ANKHD1: variants seen among roughly 807,000 people sequenced by gnomAD.
ANKHD1 encodes ankyrin repeat and KH domain containing 1.
A neutral mutation model predicts 230.5 loss-of-function variants in ANKHD1; 31 were observed. The observed-to-expected ratio is 0.13, with a 90% CI of 0.10 to 0.18. The LOEUF is 0.18. Ranked by LOEUF, ANKHD1 falls within the 10% of genes least tolerant of loss-of-function variation. ANKHD1 has a pLI of 1.00. For synonymous variants in ANKHD1, 1,074 were observed against 1,117.6 expected (o/e 0.96, Z 0.78); for missense variants, 2,256 against 3,071.3 (o/e 0.73, Z 6.27).
intron 10 of ANKHD1, among the ~76,000 whole-genome samples, chr5:140,470,496 G>T (rs1350398945): frequency 6.7e-6 from 1 of 149,500 alleles, no homozygotes; most frequent in Non-Finnish European, 1.5e-5. Flanking sequence ...CCCTCATCTC[G>T]CTTGTTTGTA....
rs1280586959 is a variant in ANKHD1, at chr5:140,526,025, A to G, written c.4522A>G (p.Ser1508Gly). The change falls in exon 26 of 34, where the codon AGT becomes GGT. Residue 1508 changes from serine to glycine, a missense_variant. By Grantham distance (56) the Ser-to-Gly change is moderately conservative. This residue lies in a region of ANKHD1 where 212 missense variants were observed against 257.3 expected (regional missense o/e 0.82). Transcript: ENST00000360839. ...VEQEVPIEPP[S>G]ATTTTTIGIS... ...GCAAGAAGTTCCCATAGAACCTCCT[A>G]GTGCAACCACCACCACTACGATTGG... 1.3e-6 allele frequency: 2 copies of G among 1,595,022 alleles called. No homozygotes were observed. Among genetic ancestry groups the G allele is most frequent in the South Asian group, 1.1e-5 (1 of 86,968 alleles).
At chr5:140,494,113 T>C (rs1201137997) in intron 14 of ANKHD1, among the ~76,000 whole-genome samples, 7 of 152,244 alleles carry the variant, frequency 4.6e-5, no homozygotes, top group Admixed American at 3.9e-4. Flanking sequence ...AGTGATGTCA[T>C]TGAATTTATT....
At chr5:140,409,749 T>C (rs1770773807) in intron 1 of ANKHD1, among the ~76,000 whole-genome samples, 1 of 152,038 alleles carries the variant, frequency 6.6e-6, no homozygotes, top group Non-Finnish European at 1.5e-5. Flanking sequence ...AGACGGTGTT[T>C]CACTGTGTTA....
chr5:140,479,258 A>G (rs949060615), intron 10 of ANKHD1, among the ~76,000 whole-genome samples: 2 of 151,924 alleles, frequency 1.3e-5, no homozygotes, highest in African/African-American at 4.8e-5. Flanking sequence ...TCGGCCTCCC[A>G]AAGTGCTGGG....
At chr5:140,411,769 C>T (rs1770944776) in intron 1 of ANKHD1, among the ~76,000 whole-genome samples, 1 of 151,764 alleles carries the variant, frequency 6.6e-6, no homozygotes, top group Non-Finnish European at 1.5e-5. Context: ...GACTATCTGC[C>T]CACCTCAGCC....
At chr5:140,516,116 T>C (rs996217752) in intron 24 of ANKHD1, among the ~76,000 whole-genome samples, 19 of 152,056 alleles carry the variant, frequency 1.2e-4, no homozygotes, top group Non-Finnish European at 2.1e-4. Flanking sequence ...CTGATGGAGC[T>C]GAAAACCAAG....
At chr5:140,522,845 T>G (rs1049940166) in intron 24 of ANKHD1, among the ~76,000 whole-genome samples, 3 of 152,134 alleles carry the variant, frequency 2.0e-5, no homozygotes, top group Admixed American at 2.0e-4. Context: ...TTATCTGTCT[T>G]TCTGATTGTA....
chr5:140,485,558 A>T lies in ANKHD1; in HGVS notation c.1999-31A>T. The T allele has an allele frequency of 6.2e-7, 1 of 1,610,570 alleles. No individual in the cohort carries two copies. Among genetic ancestry groups the T allele is most frequent in the African/African-American group, 1.3e-5 (1 of 74,712 alleles). ...TATATGAGCTGCTAAGAAACTATAA[A>T]GAATTAATTATCATGGCAATTCTTT... On this transcript the variant is annotated intron_variant, in intron 12 of 33. Transcript: ENST00000360839. This position sits in a 1 kb window ranked among gnomAD's most constrained non-coding sequence, Gnocchi z 4.8.
At chr5:140,409,113 A>G (rs1770717706) in intron 1 of ANKHD1, among the ~76,000 whole-genome samples, 1 of 152,228 alleles carries the variant, frequency 6.6e-6, no homozygotes, top group Non-Finnish European at 1.5e-5. Flanking sequence ...CTACCGGTCT[A>G]GAGGCCACTC....
chr5:140,485,466 G>A lies in ANKHD1; in HGVS notation c.1999-123G>A. 7.6e-7 allele frequency: 1 copy of A among 1,314,420 alleles called. No individual in the cohort carries two copies. The highest frequency in any genetic ancestry group is 2.7e-5 in the East Asian group (1 of 37,686). The allele number at this position is 1,314,420 out of a possible 1,614,324, so 81.4% of individuals were successfully genotyped here. A position where few individuals can be genotyped will look rare whatever the true frequency, so the allele number is the denominator to read the frequency against. On this transcript the variant is annotated intron_variant, in intron 12 of 33. Coordinates refer to ENST00000360839, the MANE Select transcript of ANKHD1 (RefSeq NM_017747.3). This position sits in a 1 kb window ranked among gnomAD's most constrained non-coding sequence, Gnocchi z 4.8. ...TATATATATAAATAATATGTGTATAGTTATAAAAATATGTTTGATCTATCT... is the reference window on the plus strand; with the variant it reads ...TATATATATAAATAATATGTGTATAATTATAAAAATATGTTTGATCTATCT...
intron 10 of ANKHD1, among the ~76,000 whole-genome samples, chr5:140,469,941 T>C (rs1348969950): frequency 6.6e-6 from 1 of 152,072 alleles, no homozygotes; most frequent in Non-Finnish European, 1.5e-5. Context: ...TGGCTAGTAC[T>C]GGTATTTTGA....
At chr5:140,434,811 T>C (rs1026323484) in intron 1 of ANKHD1, among the ~76,000 whole-genome samples, 6 of 152,194 alleles carry the variant, frequency 3.9e-5, no homozygotes, top group African/African-American at 1.4e-4. Context: ...TAATTTTTCC[T>C]CATTTTTGGA....
At position 140,526,351 on chromosome 5, in the gene ANKHD1, T is replaced by C; in HGVS notation, c.4848T>C (p.Phe1616=). 6.2e-7 allele frequency: 1 copy of C among 1,614,210 alleles called. No individual in the cohort carries two copies. The highest frequency in any genetic ancestry group is 8.5e-7 in the Non-Finnish European group (1 of 1,180,042). ...GTGGTAAAAGCCAAGAGTTAAATTT[T>C]GTGATGGATGTGAATTCCTCTAAAT... ...SSGGKSQELN[F]VMDVNSSKYP... The change falls in exon 26 of 34, where the codon TTT becomes TTC. Residue 1616 remains phenylalanine (F), a synonymous_variant. Transcript: ENST00000360839.
intron 7 of ANKHD1, among the ~76,000 whole-genome samples, chr5:140,452,063 A>T (rs1404929984): frequency 1.3e-5 from 2 of 152,186 alleles, no homozygotes; most frequent in African/African-American, 4.8e-5. Flanking sequence ...ACGGCACACC[A>T]GGAGATTATA....
At chr5:140,413,735 G>A (rs904988494) in intron 1 of ANKHD1, among the ~76,000 whole-genome samples, 1 of 151,942 alleles carries the variant, frequency 6.6e-6, no homozygotes, top group African/African-American at 2.4e-5. Flanking sequence ...GTACACACAT[G>A]CACACTCCCT....
chr5:140,474,647 A>T (rs1285022242), intron 10 of ANKHD1, among the ~76,000 whole-genome samples: 2 of 139,030 alleles, frequency 1.4e-5, no homozygotes, highest in African/African-American at 5.5e-5. Context: ...CTCAGGCTAG[A>T]GTACAAAAGC....
At chr5:140,524,036 G>T in intron 24 of ANKHD1, 30 bp from the exon 25 acceptor site, 1 of 1,543,526 alleles carries the variant, frequency 6.5e-7, no homozygotes, top group South Asian at 1.3e-5. Flanking sequence ...CTGCCTTATT[G>T]GTAAAATTAT....
rs1752595802 is a variant in ANKHD1 at position 140,507,599 on chromosome 5, G to A, written c.3552-186G>A. 6.6e-6 allele frequency among the ~76,000 whole-genome samples: 1 copy of A among 152,210 alleles called. No homozygotes were observed. The highest frequency in any genetic ancestry group is 1.5e-5 in the Non-Finnish European group (1 of 68,042). ...TGGGATTACAGGCATGAGCCACCAT[G>A]TCTGGCCGGAAATTATGTTTTAAAT... On this transcript the variant is annotated intron_variant, in intron 19 of 33. Transcript: ENST00000360839. The surrounding 1 kb of genome is among the most constrained non-coding windows in gnomAD (Gnocchi z 4.1).
intron 1 of ANKHD1, 125 bp from the exon 2 acceptor site, chr5:140,435,978 GT>G: frequency 1.6e-6 from 2 of 1,253,204 alleles, no homozygotes; most frequent in Non-Finnish European, 2.1e-6. Context: ...ATACTCCCTT[GT>G]TTCTATAATA....
Sources: gnomAD v4.1 joint callset for allele counts (sites outside exome capture counted in the v4.1 genomes callset) on GRCh38, gnomAD v4.1.1 for gene constraint, gnomAD v4.1.1 regional missense constraint, Gnocchi (gnomAD v3.1) non-coding constraint, MANE v1.5 for transcripts, NCBI Gene and HGNC (gene_info 2026-07-23, HGNC 2026-07-21) for gene names.